Variants in HSPA12A observed in about 807,000 individuals in gnomAD.
HSPA12A encodes heat shock protein family A (Hsp70) member 12A, also known as heat shock 70 kDa protein 12A.
HSPA12A carries 28 observed loss-of-function variants against 69.2 expected under a neutral mutation model. The ratio of observed to expected loss-of-function variants is 0.40; its 90% confidence interval spans 0.30 to 0.55. HSPA12A has a LOEUF of 0.55. Among genes scored for constraint, HSPA12A ranks in the 20% least tolerant of loss-of-function variants. The probability of loss-of-function intolerance (pLI) is 0.38; values close to 1 mark genes in which losing one functional copy is unlikely to be tolerated. For synonymous variants in HSPA12A, 345 were observed against 370.5 expected (o/e 0.93, Z 0.79); for missense variants, 686 against 900.7 (o/e 0.76, Z 3.05).
intron 2 of HSPA12A, 111 bp from the exon 3 acceptor site, chr10:116,705,389 A>T: frequency 7.9e-7 from 1 of 1,262,720 alleles, no homozygotes; most frequent in Non-Finnish European, 1.1e-6. Context: ...GCAGACAGAA[A>T]GACATTCTAT....
chr10:116,799,579 G>A (rs1335440659), intron 2 of HSPA12A, among the ~76,000 whole-genome samples: 1 of 152,192 alleles, frequency 6.6e-6, no homozygotes, highest in East Asian at 1.9e-4. Context: ...CCATGGAAAG[G>A]GAACTACAAG....
At chr10:116,791,883 C>T (rs538635784) in intron 2 of HSPA12A, among the ~76,000 whole-genome samples, 1 of 152,186 alleles carries the variant, frequency 6.6e-6, no homozygotes, top group South Asian at 2.1e-4. Flanking sequence ...TCTCAAGCAT[C>T]TACTATGTCC....
chr10:116,723,708 TC>T lies in HSPA12A; in HGVS notation c.41-16424del, dbSNP rs375867037. ...CACGTGCTGAGGTTTTAAAACTGAA[TC>T]TCCAGCCTGAGGACCATGAGGACCA... On this transcript the variant is annotated intron_variant, in intron 1 of 11. Transcript: ENST00000369209. The surrounding 1 kb of genome is among the most constrained non-coding windows in gnomAD (Gnocchi z 4.1). Among the ~76,000 whole-genome samples the T allele has an allele frequency of 1.8e-3, 267 of 152,262 alleles. 3 individuals carry two copies. The South Asian group carries it at 0.027, about 15-fold the overall frequency.
intron 8 of HSPA12A, 125 bp downstream of exon 8, chr10:116,681,666 G>C (rs1849405707): frequency 1.4e-6 from 1 of 739,516 alleles, no homozygotes; most frequent in East Asian, 2.5e-5. Context: ...CTCCCTGCAT[G>C]AGTGGTCTTT....
chr10:116,726,893 G>A lies in HSPA12A; in HGVS notation c.40+15537C>T, dbSNP rs142339693. Among the ~76,000 whole-genome samples, 86 of 152,258 alleles carry A rather than the reference G, an allele frequency of 5.6e-4. No homozygotes were observed. In the East Asian group the frequency reaches 6.6e-3, roughly 12 times the overall value. On this transcript the variant is annotated intron_variant, in intron 1 of 11. Transcript: ENST00000369209. ...TCTAAGTCACACTAACTAACGTGCC[G>A]ATGACGGATGAAGACCCCAGACTGC... is the stretch of plus-strand genomic sequence containing the variant.
In HSPA12A at chr10:116,707,149, G is replaced by GCACA. The variant is rs1491543649; in HGVS notation, c.126+50_126+51insTGTG. ...CGCACGTGTGCTCATGCGCACCCAT[G>GCACA]CGCGCACACACACACACACACACAC... On this transcript the variant is annotated intron_variant, in intron 2 of 11. Transcript: ENST00000369209. 5.4e-4 allele frequency: 241 copies of GCACA among 446,478 alleles called. 3 individuals are homozygous for GCACA. The highest frequency in any genetic ancestry group is 3.6e-3 in the African/African-American group (112 of 30,880). The allele number at this position is 446,478 out of a possible 1,614,324, so 27.7% of individuals were successfully genotyped here. A position where few individuals can be genotyped will look rare whatever the true frequency, so the allele number is the denominator to read the frequency against.
Position 116,771,355 on chromosome 10 carries a change from G to A in HSPA12A, c.91+63580C>T, listed in dbSNP as rs369380449. ...GGGAGGGGAGGACAGGGGCCCTGACGAGATACTGGGGCCAGAGGCCAAAAC... is the reference window on the plus strand; with the variant it reads ...GGGAGGGGAGGACAGGGGCCCTGACAAGATACTGGGGCCAGAGGCCAAAAC... On this transcript the variant is annotated intron_variant, in intron 2 of 12. Coordinates refer to the HSPA12A transcript ENST00000635765. Among the ~76,000 whole-genome samples, 7 of 152,348 alleles carry A rather than the reference G, an allele frequency of 4.6e-5. No homozygotes were observed. The East Asian group carries it at 1.2e-3, about 25-fold the overall frequency.
intron 2 of HSPA12A, among the ~76,000 whole-genome samples, chr10:116,792,305 G>A (rs895896746): frequency 1.4e-5 from 2 of 145,820 alleles, no homozygotes; most frequent in African/African-American, 5.0e-5. Flanking sequence ...AACAAGAATT[G>A]GGAAATGTGA....
intron 1 of HSPA12A, among the ~76,000 whole-genome samples, chr10:116,836,350 G>C (rs1372376279): frequency 6.6e-6 from 1 of 152,156 alleles, no homozygotes; most frequent in African/African-American, 2.4e-5. Flanking sequence ...AGGGAGCATA[G>C]TCATTGTCTT....
chr10:116,842,729 A>G (rs1363036412), intron 1 of HSPA12A, among the ~76,000 whole-genome samples: 2 of 152,090 alleles, frequency 1.3e-5, no homozygotes, highest in African/African-American at 4.8e-5. Context: ...CAGCCTCCCA[A>G]GTAGCTGGGA....
chr10:116,837,294 C>G (rs190855801), intron 1 of HSPA12A, among the ~76,000 whole-genome samples: 5 of 152,168 alleles, frequency 3.3e-5, no homozygotes, highest in Admixed American at 6.5e-5. Context: ...CAGAAAGAAA[C>G]CTTTTTCAAT....
At chr10:116,849,673 T>A in exon 1 of HSPA12A, 1 of 1,549,752 alleles carries the variant, frequency 6.5e-7, no homozygotes, top group Non-Finnish European at 8.7e-7. Context: ...CCGCGCAGGC[T>A]GGAAGAGCTG....
At chr10:116,795,990 C>CA (rs1222024801) in intron 2 of HSPA12A, among the ~76,000 whole-genome samples, 3 of 147,834 alleles carry the variant, frequency 2.0e-5, no homozygotes, top group South Asian at 2.1e-4. Flanking sequence ...ACTAAAAATA[C>CA]AAAAAAAATT....
At chr10:116,679,877 G>A in intron 9 of HSPA12A, 116 bp from the exon 10 acceptor site, 1 of 1,027,774 alleles carries the variant, frequency 9.7e-7, no homozygotes, top group South Asian at 1.6e-5. Context: ...TGGGACGGCA[G>A]CTATAAGTGT....
At chr10:116,762,165 C>A (rs1843987263) in intron 2 of HSPA12A, among the ~76,000 whole-genome samples, 1 of 152,130 alleles carries the variant, frequency 6.6e-6, no homozygotes, top group Non-Finnish European at 1.5e-5. Context: ...CTGTCCCCTG[C>A]CTCACTCTCC....
At chr10:116,746,248 G>A (rs782691508), upstream of HSPA12A, among the ~76,000 whole-genome samples, 3 of 151,996 alleles carry the variant, frequency 2.0e-5, no homozygotes, top group Non-Finnish European at 4.4e-5. Flanking sequence ...TCAGAGTCCA[G>A]AGGCAGGCCC....
intron 6 of HSPA12A, among the ~76,000 whole-genome samples, chr10:116,685,907 G>A (rs926022289): frequency 2.0e-5 from 3 of 152,138 alleles, no homozygotes; most frequent in Non-Finnish European, 2.9e-5. Flanking sequence ...CACCACTCTC[G>A]TGTCCTGCAC....
intron 1 of HSPA12A, among the ~76,000 whole-genome samples, chr10:116,731,911 T>C (rs1554885804): frequency 2.0e-5 from 3 of 152,122 alleles, no homozygotes; most frequent in Non-Finnish European, 4.4e-5. Context: ...AGACCTCCTG[T>C]GTATCAGAAC....
Position 116,798,921 on chromosome 10 carries a change from C to T in HSPA12A, c.91+36014G>A, listed in dbSNP as rs146330353. ...CATTTTCTTCTGCTTGAGTTCTTGA[C>T]AAGGCACCGCACAGCCAGACCCATC... On this transcript the variant is annotated intron_variant, in intron 2 of 12. Transcript: ENST00000635765. Among the ~76,000 whole-genome samples the T allele has an allele frequency of 2.1e-3, 323 of 152,090 alleles. 1 individual carries two copies. Among genetic ancestry groups the T allele is most frequent in the Middle Eastern group, 0.01 (3 of 292 alleles).
Sources: allele counts gnomAD v4.1 joint callset (sites outside exome capture counted in the v4.1 genomes callset), GRCh38; gene constraint gnomAD v4.1.1; non-coding constraint Gnocchi (gnomAD v3.1); transcripts MANE v1.5; gene names NCBI Gene and HGNC (gene_info 2026-07-23, HGNC 2026-07-21).